COBLL1: variants seen among roughly 807,000 people sequenced by gnomAD.
COBLL1 encodes cordon-bleu protein-like 1.
A neutral mutation model predicts 94.8 loss-of-function variants in COBLL1; 50 were observed. That is an observed-to-expected ratio of 0.53 (90% CI 0.42 to 0.67). COBLL1 has a LOEUF of 0.67. Among genes scored for constraint, COBLL1 ranks in the 30% least tolerant of loss-of-function variants. The pLI, the probability that COBLL1 is intolerant of heterozygous loss-of-function variation, is 0.00. For synonymous variants in COBLL1, 448 were observed against 473.8 expected (o/e 0.95, Z 0.71); for missense variants, 1,362 against 1,348.7 (o/e 1.01, Z -0.15).
chr2:164,754,368 G>C (rs1468139441), intron 2 of COBLL1, among the ~76,000 whole-genome samples: 1 of 152,190 alleles, frequency 6.6e-6, no homozygotes, highest in East Asian at 1.9e-4. Flanking sequence ...TGCAGCAACA[G>C]TGATTGGCTG....
Position 164,841,074 on chromosome 2 carries a change from G to C in COBLL1, c.41+82C>G. Reference sequence around the variant, plus strand: ...CCGCCGGCAGGGCAGCGAGTTGCCAGCCAGGTGAAACGGCCGAGGCCTCGC... The same window carrying C: ...CCGCCGGCAGGGCAGCGAGTTGCCACCCAGGTGAAACGGCCGAGGCCTCGC... On this transcript the variant is annotated intron_variant, in intron 2 of 13. Coordinates refer to ENST00000652658, the MANE Select transcript of COBLL1 (RefSeq NM_001365672.2). This position sits in a 1 kb window ranked among gnomAD's most constrained non-coding sequence, Gnocchi z 5.5. 8.3e-7 allele frequency: 1 copy of C among 1,210,780 alleles called. No homozygotes were observed. Among genetic ancestry groups the C allele is most frequent in the South Asian group, 4.2e-5 (1 of 24,000 alleles). The allele number at this position is 1,210,780 out of a possible 1,614,324, so 75.0% of individuals were successfully genotyped here.
chr2:164,791,841 T>C (rs1339201556), intron 2 of COBLL1, among the ~76,000 whole-genome samples: 3 of 151,618 alleles, frequency 2.0e-5, no homozygotes, highest in Admixed American at 6.6e-5. Flanking sequence ...TTGCCAACCT[T>C]TATATACGTA....
chr2:164,698,017 T>C (rs1227596175), intron 11 of COBLL1: 3 of 150,594 alleles, frequency 2.0e-5, no homozygotes. Context: ...TAATAGACAT[T>C]ATTTACTTTA....
At position 164,680,651 on chromosome 2, in the gene COBLL1, G is replaced by C. The variant is rs1477377769; in HGVS notation, c.*5295C>G. ...TTTCAATGAAATAGCACAGTTGCCAGATTTAGCTAAGAAAAATACAGGATG... is the reference window on the plus strand; with the variant it reads ...TTTCAATGAAATAGCACAGTTGCCACATTTAGCTAAGAAAAATACAGGATG... On this transcript the variant is annotated 3_prime_UTR_variant, in exon 14 of 14. Coordinates refer to ENST00000652658, the MANE Select transcript of COBLL1 (RefSeq NM_001365672.2). The C allele has an allele frequency of 1.3e-5, 2 of 152,096 alleles. No homozygotes were observed. The highest frequency in any genetic ancestry group is 2.4e-5 in the African/African-American group (1 of 41,414). 9.4% of individuals were successfully genotyped at this position (152,096 alleles called of 1,614,324 possible).
intron 2 of COBLL1, among the ~76,000 whole-genome samples, chr2:164,803,803 T>C (rs920689224): frequency 1.3e-5 from 2 of 152,150 alleles, no homozygotes; most frequent in African/African-American, 2.4e-5. Context: ...CTAGAGGTAC[T>C]TGAAGCTTGT....
At position 164,680,454 on chromosome 2, in the gene COBLL1, A is replaced by G. The variant is rs1682983635; in HGVS notation, c.*5492T>C. On this transcript the variant is annotated 3_prime_UTR_variant, in exon 14 of 14. Coordinates refer to ENST00000652658, the MANE Select transcript of COBLL1 (RefSeq NM_001365672.2). ...TGAACCCTTCAGTGAACTTTTCCCC[A>G]TTCATAACATGGGGGCATCGCTGAG... 6.6e-6 allele frequency: 1 copy of G among 152,082 alleles called. No individual in the cohort carries two copies. Among genetic ancestry groups the G allele is most frequent in the Admixed American group, 6.6e-5 (1 of 15,260 alleles). 9.4% of individuals were successfully genotyped at this position (152,082 alleles called of 1,614,324 possible).
At chr2:164,714,848 C>G (rs1459161242) in intron 7 of COBLL1, among the ~76,000 whole-genome samples, 1 of 152,144 alleles carries the variant, frequency 6.6e-6, no homozygotes, top group East Asian at 1.9e-4. Flanking sequence ...TTTATTAACT[C>G]AGCATGTTAT....
rs1686721748 is a variant in COBLL1 at position 164,743,826 on chromosome 2, T to G, written c.91A>C (p.Thr31Pro). Residue 31 changes from threonine (T) to proline (P), a missense_variant, in exon 3 of 14, where the codon ACT (threonine) becomes CCT (proline). Physicochemically the swap from Thr to Pro is conservative, Grantham distance 38 (BLOSUM62 -1). Coordinates refer to ENST00000652658, the MANE Select transcript of COBLL1 (RefSeq NM_001365672.2). ...GAATCAGCAGCTGAAGAGACATCAG[T>G]ATATTTGGTCTCAGCTGGAGGAAGT... The part of the protein sequence containing the change: ...APLPPAETKY[T>P]DVSSAADSVE... 1 of 1,610,994 alleles carries G rather than the reference T, an allele frequency of 6.2e-7. No individual in the cohort carries two copies.
intron 2 of COBLL1, among the ~76,000 whole-genome samples, chr2:164,806,716 T>C (rs1353803862): frequency 6.6e-6 from 1 of 152,164 alleles, no homozygotes; most frequent in Non-Finnish European, 1.5e-5. Context: ...TTCTTTTCTT[T>C]TGAGACAGGG....
chr2:164,661,092 A>G (rs1479505339), intron 2 of COBLL1, among the ~76,000 whole-genome samples: 1 of 152,182 alleles, frequency 6.6e-6, no homozygotes, highest in Non-Finnish European at 1.5e-5. Flanking sequence ...TATTCTTTAT[A>G]ATAAAAGTAA....
chr2:164,670,195 G>T (rs189421219), intron 1 of COBLL1, among the ~76,000 whole-genome samples: 319 of 152,222 alleles, frequency 2.1e-3, no homozygotes, highest in Admixed American at 1.8e-3. Context: ...GATGCTTAGA[G>T]AACCTAAATA....
chr2:164,820,274 C>A (rs1041552711), intron 2 of COBLL1, among the ~76,000 whole-genome samples: 2 of 152,138 alleles, frequency 1.3e-5, no homozygotes, highest in African/African-American at 4.8e-5. Context: ...GGCTAGTATG[C>A]AGTAGAAGAA....
At chr2:164,741,375 C>A (rs1030971668) in intron 3 of COBLL1, among the ~76,000 whole-genome samples, 1 of 151,940 alleles carries the variant, frequency 6.6e-6, no homozygotes, top group African/African-American at 2.4e-5. Flanking sequence ...AATCTCCAGG[C>A]TAGGTAGTTT....
chr2:164,812,698 C>G (rs1684516283), intron 2 of COBLL1, among the ~76,000 whole-genome samples: 1 of 151,962 alleles, frequency 6.6e-6, no homozygotes, highest in Non-Finnish European at 1.5e-5. Flanking sequence ...AAAATACATG[C>G]TAAGCCCTTG....
Position 164,841,253 on chromosome 2 carries a change from TG to T in COBLL1, c.-50-8del, listed in dbSNP as rs1683594482. 2 of 1,224,638 alleles carry T rather than the reference TG, an allele frequency of 1.6e-6. No individual in the cohort carries two copies. Among genetic ancestry groups the T allele is most frequent in the East Asian group, 3.2e-5 (1 of 31,042 alleles). 75.9% of individuals were successfully genotyped at this position (1,224,638 alleles called of 1,614,324 possible). On this transcript the variant is annotated splice_polypyrimidine_tract_variant and splice_region_variant and intron_variant, in intron 1 of 13. Transcript: ENST00000652658. This position sits in a 1 kb window ranked among gnomAD's most constrained non-coding sequence, Gnocchi z 5.5. Reference sequence around the variant, plus strand: ...CCCAGGCGGCGCGTCACTGCTGGGGTGGGAGAGGCCGGCGGGTCAGGGCGGG... The same window carrying T: ...CCCAGGCGGCGCGTCACTGCTGGGGTGGAGAGGCCGGCGGGTCAGGGCGGG...
chr2:164,717,192 C>T (rs7586858), intron 7 of COBLL1, among the ~76,000 whole-genome samples: 24,938 of 152,030 alleles, frequency 0.16, 2,210 homozygotes, highest in African/African-American at 0.24. Context: ...TACTGTACTT[C>T]TGTCAAACAG....
chr2:164,838,242 G>A (rs557018294), intron 2 of COBLL1, among the ~76,000 whole-genome samples: 9 of 152,250 alleles, frequency 5.9e-5, no homozygotes, highest in East Asian at 3.9e-4. Context: ...TGCTAAATGC[G>A]AGTTAAATGT....
chr2:164,676,000 A>G (rs1485343692), downstream of COBLL1, among the ~76,000 whole-genome samples: 1 of 152,224 alleles, frequency 6.6e-6, no homozygotes, highest in African/African-American at 2.4e-5. Flanking sequence ...TAAAAATAGG[A>G]AAGAAACCTG....
intron 1 of COBLL1, among the ~76,000 whole-genome samples, chr2:164,666,080 T>C (rs548903258): frequency 1.4e-4 from 21 of 152,346 alleles, no homozygotes; most frequent in South Asian, 4.1e-4. Context: ...CTATATAGTT[T>C]ATGTATTGAA....
Sources: gnomAD v4.1 joint callset for allele counts (sites outside exome capture counted in the v4.1 genomes callset) on GRCh38, gnomAD v4.1.1 for gene constraint, Gnocchi (gnomAD v3.1) non-coding constraint, MANE v1.5 for transcripts, NCBI Gene and HGNC (gene_info 2026-07-23, HGNC 2026-07-21) for gene names.